C8orf34: variants seen among roughly 807,000 people sequenced by gnomAD.
C8orf34 encodes chromosome 8 open reading frame 34.
C8orf34 carries 65 observed loss-of-function variants against 68.3 expected under a neutral mutation model. The observed-to-expected ratio is 0.95, with a 90% CI of 0.78 to 1.17. The LOEUF (loss-of-function observed/expected upper bound fraction) is 1.17, where lower values mean the gene tolerates loss of function less well. Among genes scored for constraint, C8orf34 ranks in the 50% most tolerant of loss-of-function variants. The pLI is 0.00. For missense variants in C8orf34, 664 were observed against 655.4 expected (o/e 1.01, Z -0.14); for synonymous variants, 244 against 241.2 (o/e 1.01, Z -0.11).
intron 10 of C8orf34, among the ~76,000 whole-genome samples, chr8:68,724,094 G>T (rs970001250): frequency 6.6e-6 from 1 of 152,114 alleles, no homozygotes; most frequent in East Asian, 1.9e-4. Flanking sequence ...ACAATTTCTA[G>T]ATGGTAGCTG....
chr8:68,535,116 T>A lies in C8orf34; in HGVS notation c.1105+1967T>A, dbSNP rs184916250. ...TCCACTGGACTTTATCTTAAAATAA[T>A]GCCATATTCAATTTCTTGTTTTTGA... is the stretch of plus-strand genomic sequence containing the variant. On this transcript the variant is annotated intron_variant, in intron 7 of 13. Coordinates refer to ENST00000518698, the MANE Select transcript of C8orf34 (RefSeq NM_052958.4). The A allele has an allele frequency of 1.6e-3, 1,578 of 984,866 alleles. 29 individuals carry two copies. In the African/African-American group the frequency reaches 0.025, roughly 15 times the overall value. The allele number at this position is 984,866 out of a possible 1,614,324, so 61.0% of individuals were successfully genotyped here. A position where few individuals can be genotyped will look rare whatever the true frequency, so the allele number is the denominator to read the frequency against.
chr8:68,453,407 C>A (rs1811424419), intron 3 of C8orf34, among the ~76,000 whole-genome samples: 1 of 151,974 alleles, frequency 6.6e-6, no homozygotes, highest in South Asian at 2.1e-4. Flanking sequence ...AATTCATGAG[C>A]ATGTAATGTC....
At chr8:68,813,194 C>A (rs1196844519) in intron 12 of C8orf34, among the ~76,000 whole-genome samples, 2 of 152,150 alleles carry the variant, frequency 1.3e-5, no homozygotes, top group African/African-American at 4.8e-5. Flanking sequence ...CCCATCAAAG[C>A]TGCTTCATTT....
chr8:68,662,760 TCCC>T (rs752605634), intron 8 of C8orf34, among the ~76,000 whole-genome samples: 18 of 152,276 alleles, frequency 1.2e-4, no homozygotes, highest in Non-Finnish European at 2.4e-4. Context: ...TTCATAGGAA[TCCC>T]CTTTTTTTCA....
At position 68,800,950 on chromosome 8, in the gene C8orf34, G is replaced by A. The variant is rs80077021; in HGVS notation, c.1549+13414G>A. On this transcript the variant is annotated intron_variant, in intron 12 of 13. Transcript: ENST00000518698. ...TAAATGAAAAATAAATGCATATGCA[G>A]AGGAGGGATATTCAGGGAATTTATT... Among the ~76,000 whole-genome samples the A allele has an allele frequency of 7.1e-3, 1,079 of 152,292 alleles. 14 individuals are homozygous for A. The highest frequency in any genetic ancestry group is 0.025 in the African/African-American group (1,024 of 41,552).
At chr8:68,688,578 C>T (rs544263584) in intron 8 of C8orf34, among the ~76,000 whole-genome samples, 1 of 152,138 alleles carries the variant, frequency 6.6e-6, no homozygotes, top group East Asian at 1.9e-4. Context: ...AGACATGGAA[C>T]CAACCCAAAT....
At chr8:68,697,654 A>G (rs894390094) in intron 8 of C8orf34, among the ~76,000 whole-genome samples, 1 of 152,086 alleles carries the variant, frequency 6.6e-6, no homozygotes, top group Non-Finnish European at 1.5e-5. Flanking sequence ...GTAAGGGCAG[A>G]TGGAGGATGT....
At chr8:68,520,839 C>T (rs1024740512) in intron 5 of C8orf34, among the ~76,000 whole-genome samples, 4 of 152,042 alleles carry the variant, frequency 2.6e-5, no homozygotes, top group African/African-American at 9.7e-5. Flanking sequence ...TTAAGCAAGG[C>T]TTATATTTTT....
chr8:68,375,175 G>T (rs2129619924), intron 1 of C8orf34, among the ~76,000 whole-genome samples: 1 of 152,272 alleles, frequency 6.6e-6, no homozygotes, highest in South Asian at 2.1e-4. Context: ...GTGCAATAAA[G>T]TGACATAGAA....
intron 1 of C8orf34, among the ~76,000 whole-genome samples, chr8:68,407,339 A>G (rs1287135517): frequency 3.9e-5 from 6 of 152,052 alleles, no homozygotes; most frequent in African/African-American, 1.4e-4. Context: ...TTTGATTTAC[A>G]ATGGGGCATA....
At chr8:68,505,921 T>A (rs1814000808) in intron 5 of C8orf34, among the ~76,000 whole-genome samples, 1 of 152,150 alleles carries the variant, frequency 6.6e-6, no homozygotes, top group Non-Finnish European at 1.5e-5. Context: ...TATGACTGTA[T>A]CATGCATCAA....
intron 1 of C8orf34, among the ~76,000 whole-genome samples, chr8:68,331,775 C>CTTTTTTTTTTTT (rs1255069534): frequency 3.1e-4 from 12 of 38,416 alleles, no homozygotes; most frequent in Admixed American, 6.4e-4. Context: ...CTTTTCTTTT[C>CTTTTTTTTTTTT]TTTCCTTCTT....
intron 10 of C8orf34, among the ~76,000 whole-genome samples, chr8:68,763,834 A>G (rs7822083): frequency 6.6e-6 from 1 of 152,048 alleles, no homozygotes; most frequent in Non-Finnish European, 1.5e-5. Context: ...AAAGAGATAG[A>G]TATGTCCACC....
chr8:68,394,272 T>C (rs1298897753), intron 1 of C8orf34, among the ~76,000 whole-genome samples: 1 of 128,366 alleles, frequency 7.8e-6, no homozygotes, highest in East Asian at 2.4e-4. Flanking sequence ...CAGAGTGTGA[T>C]GTTCCCCTTC....
chr8:68,792,571 C>CAAAAAAAAAAAAAAAAAA (rs1162293308), intron 12 of C8orf34: 3 of 42,296 alleles, frequency 7.1e-5, no homozygotes, highest in African/African-American at 1.4e-4. Context: ...GACTCCATCT[C>CAAAAAAAAAAAAAAAAAA]AAAAAAAAAA....
At chr8:68,674,707 G>C (rs1012741773) in intron 8 of C8orf34, among the ~76,000 whole-genome samples, 3 of 152,092 alleles carry the variant, frequency 2.0e-5, no homozygotes, top group African/African-American at 7.2e-5. Flanking sequence ...AGGAGGTAGA[G>C]AGAGGTAGAA....
intron 7 of C8orf34, among the ~76,000 whole-genome samples, chr8:68,640,069 G>C (rs1241264526): frequency 2.6e-5 from 4 of 152,200 alleles, no homozygotes; most frequent in Non-Finnish European, 4.4e-5. Flanking sequence ...AGAGGTTATA[G>C]TTTGGCTTCC....
chr8:68,611,001 A>AAT (rs1818006764), intron 7 of C8orf34, among the ~76,000 whole-genome samples: 3 of 151,874 alleles, frequency 2.0e-5, no homozygotes, highest in African/African-American at 7.2e-5. Flanking sequence ...AGTAGCTGGT[A>AAT]ATATAGGCAT....
At chr8:68,479,716 A>C (rs1337952374) in intron 4 of C8orf34, among the ~76,000 whole-genome samples, 2 of 152,194 alleles carry the variant, frequency 1.3e-5, no homozygotes, top group Non-Finnish European at 2.9e-5. Context: ...TCAAGTTTTC[A>C]GGATATTAAA....
Sources: allele counts gnomAD v4.1 joint callset (sites outside exome capture counted in the v4.1 genomes callset), GRCh38; gene constraint gnomAD v4.1.1; transcripts MANE v1.5; gene names NCBI Gene and HGNC (gene_info 2026-07-23, HGNC 2026-07-21).